The following CHRM3 variants were observed in gnomAD, a reference collection of about 807,000 sequenced individuals.
CHRM3 encodes cholinergic receptor muscarinic 3.
Under a neutral mutation model 41.8 loss-of-function variants are expected in CHRM3, and 11 were observed. That is an observed-to-expected ratio of 0.26 (90% CI 0.17 to 0.44). The LOEUF is 0.44. CHRM3 is among the 20% of genes least tolerant of loss of function. CHRM3 has a pLI of 1.00. For synonymous variants in CHRM3, 297 were observed against 301.4 expected (o/e 0.99, Z 0.15); for missense variants, 571 against 745.4 (o/e 0.77, Z 2.72).
chr1:239,607,049 T>C (rs1317826637), intron 3 of CHRM3, among the ~76,000 whole-genome samples: 1 of 152,212 alleles, frequency 6.6e-6, no homozygotes, highest in African/African-American at 2.4e-5. Flanking sequence ...TAAGTGAAAG[T>C]CACTTAATTT....
Position 239,719,367 on chromosome 1 carries a change from A to G in CHRM3, c.-147+41079A>G, listed in dbSNP as rs144374919. 3.2e-4 allele frequency among the ~76,000 whole-genome samples: 49 copies of G among 152,110 alleles called. 1 individual carries two copies. In the East Asian group the frequency reaches 8.2e-3, roughly 25 times the overall value. On this transcript the variant is annotated intron_variant, in intron 5 of 6. Transcript: ENST00000676153. ...TGCATTCAGGTAAAACCAATATAGCACCCTATAATTCAGCAAATATTTGTT... is the reference window on the plus strand; with the variant it reads ...TGCATTCAGGTAAAACCAATATAGCGCCCTATAATTCAGCAAATATTTGTT...
chr1:239,721,287 A>G (rs1432576966), intron 5 of CHRM3, among the ~76,000 whole-genome samples: 1 of 151,808 alleles, frequency 6.6e-6, no homozygotes, highest in Non-Finnish European at 1.5e-5. Flanking sequence ...GGTGAAAGAA[A>G]TGTTCTTCTC....
chr1:239,467,089 T>G (rs969878145), intron 1 of CHRM3, among the ~76,000 whole-genome samples: 3 of 152,210 alleles, frequency 2.0e-5, no homozygotes, highest in Admixed American at 2.0e-4. Context: ...AATTTTTCTC[T>G]GGTTATTTTG....
chr1:239,499,076 G>T (rs1201516619), intron 2 of CHRM3, among the ~76,000 whole-genome samples: 2 of 152,098 alleles, frequency 1.3e-5, no homozygotes, highest in Non-Finnish European at 2.9e-5. Context: ...TTTCATTCAA[G>T]GCTGGTATCT....
chr1:239,532,622 CAAAA>C (rs56408389), intron 2 of CHRM3, among the ~76,000 whole-genome samples: 3 of 114,824 alleles, frequency 2.6e-5, no homozygotes, highest in East Asian at 2.8e-4. Context: ...GACTGCCTCT[CAAAA>C]AAAAAAAAAA....
intron 1 of CHRM3, among the ~76,000 whole-genome samples, chr1:239,470,984 G>A (rs1344116371): frequency 2.0e-5 from 3 of 152,042 alleles, no homozygotes; most frequent in African/African-American, 7.2e-5. Flanking sequence ...CAAAATTTCT[G>A]GTGAAATAAA....
In CHRM3 at chr1:239,628,679, C is replaced by T. The variant is rs1393281545; in HGVS notation, c.-312-3545C>T. ...TGATGGTGATGTACAGATGGGTTTT[C>T]GGTGTGGATGTCCTTTCTGTTTGTT... On this transcript the variant is annotated intron_variant, in intron 3 of 6. Transcript: ENST00000676153. Among the ~76,000 whole-genome samples, 9 of 56,076 alleles carry T rather than the reference C, an allele frequency of 1.6e-4. 1 individual carries two copies. The highest frequency in any genetic ancestry group is 5.9e-4 in the African/African-American group (3 of 5,114). 36.8% of individuals were successfully genotyped at this position (56,076 alleles called of 152,430 possible). A position where few individuals can be genotyped will look rare whatever the true frequency, so the allele number is the denominator to read the frequency against.
intron 4 of CHRM3, among the ~76,000 whole-genome samples, chr1:239,652,533 A>AT (rs1208835942): frequency 3.3e-5 from 5 of 152,038 alleles, no homozygotes; most frequent in South Asian, 2.1e-4. Context: ...GTTTTTTACT[A>AT]TTTTTTTCTC....
At chr1:239,646,594 A>G (rs1202060251) in intron 4 of CHRM3, among the ~76,000 whole-genome samples, 5 of 152,280 alleles carry the variant, frequency 3.3e-5, no homozygotes. Flanking sequence ...ATATAATATG[A>G]GACTTGAGAA....
At chr1:239,419,130 CAA>C (rs1661731384) in intron 1 of CHRM3, among the ~76,000 whole-genome samples, 1 of 152,130 alleles carries the variant, frequency 6.6e-6, no homozygotes, top group Non-Finnish European at 1.5e-5. Flanking sequence ...AAGTCAAAGG[CAA>C]TACTAATAGC....
intron 5 of CHRM3, among the ~76,000 whole-genome samples, chr1:239,772,479 A>G (rs1001013315): frequency 7.9e-5 from 12 of 152,156 alleles, no homozygotes; most frequent in African/African-American, 2.7e-4. Context: ...AAATTTTTAC[A>G]TGATTGTGTA....
chr1:239,416,013 A>G (rs1053787187), intron 1 of CHRM3, among the ~76,000 whole-genome samples: 6 of 152,198 alleles, frequency 3.9e-5, no homozygotes, highest in African/African-American at 1.4e-4. Context: ...TATGGGGCCT[A>G]CCTTCTTTGA....
Position 239,743,777 on chromosome 1 carries a change from CT to C in CHRM3, c.-147+65499del, listed in dbSNP as rs992688177. Among the ~76,000 whole-genome samples the C allele has an allele frequency of 2.5e-3, 311 of 122,476 alleles. 1 individual carries two copies. The highest frequency in any genetic ancestry group is 8.1e-3 in the African/African-American group (267 of 32,922). 80.3% of individuals were successfully genotyped at this position (122,476 alleles called of 152,430 possible). ...TGATCTTCTTTTTCTTTTTCTTTTT[CT>C]TTTTTTTTTCTTTTTTTTTTTTTTT... On this transcript the variant is annotated intron_variant, in intron 5 of 6. Transcript: ENST00000676153.
chr1:239,655,919 T>C (rs1672668638), intron 4 of CHRM3, among the ~76,000 whole-genome samples: 1 of 152,220 alleles, frequency 6.6e-6, no homozygotes, highest in African/African-American at 2.4e-5. Flanking sequence ...TTTCCATCAA[T>C]GATGGATTAG....
intron 5 of CHRM3, among the ~76,000 whole-genome samples, chr1:239,759,064 AT>A (rs1666473833): frequency 4.0e-5 from 6 of 151,844 alleles, no homozygotes; most frequent in Admixed American, 3.9e-4. Flanking sequence ...GAAGTCAAGC[AT>A]TCAGGTTTAT....
intron 5 of CHRM3, among the ~76,000 whole-genome samples, chr1:239,813,834 G>T (rs1472129973): frequency 7.3e-6 from 1 of 137,762 alleles, no homozygotes; most frequent in Non-Finnish European, 1.5e-5. Flanking sequence ...GGAGAATGGC[G>T]TGAACCCGGG....
At chr1:239,565,554 GTT>G (rs1335085616) in intron 3 of CHRM3, among the ~76,000 whole-genome samples, 4 of 152,010 alleles carry the variant, frequency 2.6e-5, no homozygotes. Flanking sequence ...ATTTTTAAAT[GTT>G]TCGGCAAAAA....
chr1:239,690,712 T>G (rs1484992608), intron 5 of CHRM3, among the ~76,000 whole-genome samples: 3 of 152,164 alleles, frequency 2.0e-5, no homozygotes, highest in Non-Finnish European at 4.4e-5. Context: ...AATTTTCTTC[T>G]CTGCTTGGGA....
intron 5 of CHRM3, among the ~76,000 whole-genome samples, chr1:239,795,794 A>G (rs1669720528): frequency 6.6e-6 from 1 of 152,170 alleles, no homozygotes; most frequent in Non-Finnish European, 1.5e-5. Context: ...TGTTTTTTCC[A>G]GATTTGGAGA....
Sources: gnomAD v4.1 joint callset for allele counts (sites outside exome capture counted in the v4.1 genomes callset) on GRCh38, gnomAD v4.1.1 for gene constraint, MANE v1.5 for transcripts, NCBI Gene and HGNC (gene_info 2026-07-23, HGNC 2026-07-21) for gene names.